EXOC6: variants seen among roughly 807,000 people sequenced by gnomAD.
The protein encoded by EXOC6 is exocyst complex component 6.
In EXOC6, 60 loss-of-function variants were observed where a neutral mutation model predicts 112.5. The ratio of observed to expected loss-of-function variants is 0.53; its 90% CI spans 0.43 to 0.66. The LOEUF (loss-of-function observed/expected upper bound fraction) is 0.66. Ranked by LOEUF, EXOC6 falls within the 30% of genes least tolerant of loss-of-function variation. The pLI, the probability that EXOC6 is intolerant of heterozygous loss-of-function variation, is 0.00. For synonymous variants in EXOC6, 295 were observed against 308.0 expected (o/e 0.96, Z 0.44); for missense variants, 855 against 957.1 (o/e 0.89, Z 1.41).
intron 20 of EXOC6, among the ~76,000 whole-genome samples, chr10:93,042,449 C>CTAAT (rs1845824285): frequency 6.6e-6 from 1 of 152,192 alleles, no homozygotes; most frequent in Non-Finnish European, 1.5e-5. Flanking sequence ...AAGACTGGGC[C>CTAAT]ATTACCGTCT....
chr10:92,975,758 C>G (rs549998721), intron 18 of EXOC6, among the ~76,000 whole-genome samples: 1 of 130,636 alleles, frequency 7.7e-6, no homozygotes, highest in Admixed American at 7.3e-5. Context: ...GCCAGCCCCC[C>G]GCCGGGCCAG....
intron 6 of EXOC6, among the ~76,000 whole-genome samples, chr10:92,913,549 T>C (rs1850916977): frequency 6.6e-6 from 1 of 152,242 alleles, no homozygotes; most frequent in Non-Finnish European, 1.5e-5. Flanking sequence ...TCACCAAGAA[T>C]GTCCATTCTT....
In EXOC6 at chr10:93,058,313, A is replaced by G. The variant is rs1403304186; in HGVS notation, c.2373A>G (p.Lys791=). The G allele has an allele frequency of 6.2e-7, 1 of 1,611,718 alleles. No individual in the cohort carries two copies. The highest frequency in any genetic ancestry group is 2.2e-5 in the East Asian group (1 of 44,724). Residue 791 remains lysine, a synonymous_variant, in exon 22 of 22, where the codon AAA becomes AAG. Coordinates refer to ENST00000260762, the MANE Select transcript of EXOC6 (RefSeq NM_019053.6). ...AGAAGTTGATAGAGACAGTCGTGAA[A>G]CAGCTGAGAAGTTTGGTGAATGGTA... ...DKQKLIETVV[K]QLRSLVNGMS... is the part of the protein sequence containing the mutation.
intron 1 of EXOC6, among the ~76,000 whole-genome samples, chr10:92,890,156 G>A (rs373272687): frequency 6.6e-6 from 1 of 152,038 alleles, no homozygotes; most frequent in African/African-American, 2.4e-5. Flanking sequence ...TCAGAGTTTT[G>A]TAGTTTTCCT....
At chr10:92,862,831 A>G (rs919860815) in intron 1 of EXOC6, among the ~76,000 whole-genome samples, 1 of 152,230 alleles carries the variant, frequency 6.6e-6, no homozygotes, top group Non-Finnish European at 1.5e-5. Flanking sequence ...TGCTATGAAC[A>G]TTCATGTACA....
intron 20 of EXOC6, among the ~76,000 whole-genome samples, chr10:93,043,367 A>C (rs1845872695): frequency 6.6e-6 from 1 of 152,198 alleles, no homozygotes. Context: ...ATATTTTATG[A>C]ATTTACTTTC....
intron 14 of EXOC6, among the ~76,000 whole-genome samples, chr10:92,948,777 G>A (rs75212175): frequency 0.011 from 1,619 of 150,450 alleles, 32 homozygotes; most frequent in African/African-American, 0.037. Context: ...TAGTGAAAGA[G>A]ACAAGAATTT....
chr10:92,938,996 A>T (rs1022069620), intron 12 of EXOC6, among the ~76,000 whole-genome samples: 61 of 152,130 alleles, frequency 4.0e-4, no homozygotes, highest in Non-Finnish European at 5.7e-4. Context: ...AACTATAGAT[A>T]AAAGCATGGT....
chr10:92,927,522 T>C (rs1403703264), intron 8 of EXOC6, among the ~76,000 whole-genome samples: 14 of 152,194 alleles, frequency 9.2e-5, no homozygotes, highest in Non-Finnish European at 2.1e-4. Flanking sequence ...ACTAAAATAA[T>C]TAAAATTTAA....
At chr10:92,904,855 A>G (rs1342822298) in intron 5 of EXOC6, among the ~76,000 whole-genome samples, 1 of 152,056 alleles carries the variant, frequency 6.6e-6, no homozygotes, top group Non-Finnish European at 1.5e-5. Flanking sequence ...TGGTGTTTCT[A>G]AAAACTAATT....
rs553085636 is a variant in EXOC6, at chr10:92,955,826, A to T, written c.1773+112A>T. On this transcript the variant is annotated intron_variant, in intron 17 of 21. Coordinates refer to ENST00000260762, the MANE Select transcript of EXOC6 (RefSeq NM_019053.6). ...TCTACTATATTCCTAAAAATTAAGAATAGAGGTATTCATTGTCAACAATGA... is the reference window on the plus strand; with the variant it reads ...TCTACTATATTCCTAAAAATTAAGATTAGAGGTATTCATTGTCAACAATGA... 2,719 of 967,032 alleles carry T rather than the reference A, an allele frequency of 2.8e-3. 15 individuals carry two copies. Among genetic ancestry groups the T allele is most frequent in the Middle Eastern group, 0.011 (39 of 3,396 alleles). 59.9% of individuals were successfully genotyped at this position (967,032 alleles called of 1,614,324 possible). A position where few individuals can be genotyped will look rare whatever the true frequency, so the allele number is the denominator to read the frequency against.
At chr10:92,978,044 T>C (rs531934702) in intron 18 of EXOC6, among the ~76,000 whole-genome samples, 5 of 152,316 alleles carry the variant, frequency 3.3e-5, no homozygotes, top group African/African-American at 1.2e-4. Context: ...TAAATTTTTA[T>C]AGACCAATAA....
At chr10:93,022,520 G>A (rs1399371317) in intron 20 of EXOC6, among the ~76,000 whole-genome samples, 1 of 151,894 alleles carries the variant, frequency 6.6e-6, no homozygotes, top group Non-Finnish European at 1.5e-5. Flanking sequence ...TACTCTTCTT[G>A]GACTTCTGTA....
chr10:93,035,451 A>C (rs1449784116), intron 20 of EXOC6, among the ~76,000 whole-genome samples: 3 of 152,224 alleles, frequency 2.0e-5, no homozygotes, highest in African/African-American at 7.2e-5. Flanking sequence ...AAAATTTCTT[A>C]AAAGTACTAT....
intron 5 of EXOC6, chr10:92,900,127 TTTTA>T (rs1850077103): frequency 6.6e-6 from 1 of 152,646 alleles, no homozygotes; most frequent in Admixed American, 6.5e-5. Flanking sequence ...GTTTAAAATA[TTTTA>T]AAGACGAACA....
In EXOC6 at chr10:92,827,234, G is replaced by T. The variant is rs1846399436; in HGVS notation, c.-27+290G>T. On this transcript the variant is annotated intron_variant, in intron 1 of 22. Coordinates refer to the EXOC6 transcript ENST00000671701. ...TGGCACCTGTAATCCCTCACTTTGG[G>T]AGGCTGAGGTGGGCAGATCGCTTGA... 2.6e-5 allele frequency among the ~76,000 whole-genome samples: 4 copies of T among 151,640 alleles called. No individual in the cohort carries two copies. The South Asian group carries it at 8.3e-4, about 32-fold the overall frequency.
At chr10:92,917,340 T>G (rs1786772603) in intron 7 of EXOC6, among the ~76,000 whole-genome samples, 1 of 152,130 alleles carries the variant, frequency 6.6e-6, no homozygotes, top group Non-Finnish European at 1.5e-5. Context: ...TCTTGTCATT[T>G]GGCCTAATTC....
intron 6 of EXOC6, among the ~76,000 whole-genome samples, chr10:92,911,193 A>G (rs756831703): frequency 1.8e-4 from 27 of 152,220 alleles, no homozygotes; most frequent in Non-Finnish European, 3.4e-4. Flanking sequence ...ACACTCTTAC[A>G]TGATTTCTAA....
intron 18 of EXOC6, among the ~76,000 whole-genome samples, chr10:92,983,162 C>T (rs1375383666): frequency 1.3e-5 from 2 of 152,160 alleles, no homozygotes; most frequent in Non-Finnish European, 2.9e-5. Flanking sequence ...GATTAATTTG[C>T]TAATGTCTAT....
Sources: allele counts gnomAD v4.1 joint callset (sites outside exome capture counted in the v4.1 genomes callset), GRCh38; gene constraint gnomAD v4.1.1; transcripts MANE v1.5; gene names NCBI Gene and HGNC (gene_info 2026-07-23, HGNC 2026-07-21).